Variants in NNT observed in about 807,000 individuals in gnomAD.
NNT encodes NAD(P) transhydrogenase, mitochondrial.
In NNT, 50 loss-of-function variants were observed where a neutral mutation model predicts 104.8. The observed-to-expected ratio is 0.48, with a 90% confidence interval of 0.38 to 0.60. The LOEUF (loss-of-function observed/expected upper bound fraction) is 0.60, where lower values mean the gene tolerates loss of function less well. Among genes scored for constraint, NNT ranks in the 20% least tolerant of loss-of-function variants. The pLI is 0.00. For synonymous variants in NNT, 461 were observed against 490.4 expected (o/e 0.94, Z 0.79); for missense variants, 1,131 against 1,330.7 (o/e 0.85, Z 2.33).
At chr5:43,644,498 T>A in intron 8 of NNT, 113 bp from the exon 9 acceptor site, 1 of 1,132,396 alleles carries the variant, frequency 8.8e-7, no homozygotes, top group Non-Finnish European at 1.2e-6. Flanking sequence ...TGTATGTATA[T>A]TCATAAAGAT....
chr5:43,637,592 C>T (rs1289035635), intron 7 of NNT, among the ~76,000 whole-genome samples: 1 of 152,070 alleles, frequency 6.6e-6, no homozygotes, highest in Admixed American at 6.6e-5. Flanking sequence ...GACTGTGCTC[C>T]TTCATGCTTT....
intron 19 of NNT, among the ~76,000 whole-genome samples, chr5:43,679,555 A>C (rs1478004785): frequency 6.6e-6 from 1 of 152,230 alleles, no homozygotes; most frequent in Non-Finnish European, 1.5e-5. Flanking sequence ...GAAATGTCAA[A>C]GGAAATAAGA....
chr5:43,694,840 T>C (rs1180212493), intron 19 of NNT, among the ~76,000 whole-genome samples: 1 of 151,810 alleles, frequency 6.6e-6, no homozygotes, highest in Non-Finnish European at 1.5e-5. Context: ...GGGAGGAGTC[T>C]ATCCTCCTTG....
chr5:43,622,414 C>CT (rs1481662948), intron 5 of NNT, among the ~76,000 whole-genome samples: 2 of 152,068 alleles, frequency 1.3e-5, no homozygotes, highest in African/African-American at 4.8e-5. Context: ...CATACTATTT[C>CT]TTTTTTTAAA....
At chr5:43,644,570 T>C (rs779100012) in intron 8 of NNT, 41 bp from the exon 9 acceptor site, 2 of 1,506,110 alleles carry the variant, frequency 1.3e-6, no homozygotes, top group Admixed American at 4.0e-5. Flanking sequence ...AATGTGAACA[T>C]AGGGTGATAG....
At chr5:43,664,729 C>A (rs116565385) in intron 17 of NNT, among the ~76,000 whole-genome samples, 3,818 of 150,862 alleles carry the variant, frequency 0.025, 98 homozygotes, top group Non-Finnish European at 0.033. Context: ...TCATTTAAGC[C>A]GGCAAAAAAA....
intron 6 of NNT, among the ~76,000 whole-genome samples, chr5:43,627,924 G>A (rs1561273675): frequency 6.6e-6 from 1 of 152,120 alleles, no homozygotes; most frequent in East Asian, 1.9e-4. Context: ...GAACATAATT[G>A]ATTACTGGAG....
chr5:43,687,287 C>G (rs1375592919), intron 19 of NNT, among the ~76,000 whole-genome samples: 1 of 152,070 alleles, frequency 6.6e-6, no homozygotes, highest in African/African-American at 2.4e-5. Context: ...TCAGGGATAG[C>G]TCATTCTTTT....
chr5:43,631,283 G>T (rs992856091), intron 7 of NNT, among the ~76,000 whole-genome samples: 16 of 152,176 alleles, frequency 1.1e-4, no homozygotes, highest in African/African-American at 3.6e-4. Flanking sequence ...CCGGACCCAG[G>T]ATAGTGTTTG....
At chr5:43,631,703 AG>A (rs1243823287) in intron 7 of NNT, among the ~76,000 whole-genome samples, 1 of 152,202 alleles carries the variant, frequency 6.6e-6, no homozygotes, top group Non-Finnish European at 1.5e-5. Context: ...ACTGACTTTC[AG>A]GGCCTTCCCC....
chr5:43,692,106 C>T (rs570406002), intron 19 of NNT, among the ~76,000 whole-genome samples: 5 of 152,276 alleles, frequency 3.3e-5, no homozygotes, highest in Admixed American at 1.3e-4. Flanking sequence ...GCAAAGTGTA[C>T]AGGTGGTTAA....
At chr5:43,680,589 G>A (rs6893689) in intron 19 of NNT, among the ~76,000 whole-genome samples, 1,755 of 152,226 alleles carry the variant, frequency 0.012, 20 homozygotes, top group African/African-American at 0.04. Context: ...AAGAAAAATC[G>A]CATCTGTCAT....
intron 12 of NNT, among the ~76,000 whole-genome samples, chr5:43,651,328 G>A (rs1377367759): frequency 6.6e-6 from 1 of 152,170 alleles, no homozygotes; most frequent in Non-Finnish European, 1.5e-5. Context: ...TGTGATCCCA[G>A]CACTTTGGGA....
chr5:43,690,043 A>G (rs946280669), intron 19 of NNT, among the ~76,000 whole-genome samples: 2 of 152,200 alleles, frequency 1.3e-5, no homozygotes, highest in Admixed American at 1.3e-4. Context: ...ACTAAGAATA[A>G]TTGGTGTTCC....
chr5:43,655,257 G>T (rs1445247313), intron 14 of NNT, among the ~76,000 whole-genome samples: 1 of 152,192 alleles, frequency 6.6e-6, no homozygotes, highest in Non-Finnish European at 1.5e-5. Flanking sequence ...TTTGTGACGG[G>T]AAGAGGCACG....
chr5:43,685,207 T>C (rs1358239882), intron 19 of NNT, among the ~76,000 whole-genome samples: 1 of 152,206 alleles, frequency 6.6e-6, no homozygotes, highest in African/African-American at 2.4e-5. Context: ...GTTTAACAAA[T>C]GAGCCTTCTT....
chr5:43,614,438 G>C (rs186628031), intron 3 of NNT, among the ~76,000 whole-genome samples: 9 of 152,294 alleles, frequency 5.9e-5, no homozygotes, highest in African/African-American at 2.2e-4. Flanking sequence ...CTGAGCATTT[G>C]ATAGGGGCCA....
intron 17 of NNT, among the ~76,000 whole-genome samples, chr5:43,673,416 A>G (rs944233386): frequency 2.6e-5 from 4 of 152,204 alleles, no homozygotes; most frequent in African/African-American, 9.6e-5. Context: ...CTATTCGGCC[A>G]TCTTGGAACC....
rs35201656 is a variant in NNT at position 43,612,944 on chromosome 5, A to G, written c.188A>G (p.Lys63Arg). 65,216 of 1,613,734 alleles carry G rather than the reference A, an allele frequency of 0.04. 1,757 individuals are homozygous for G. The highest frequency in any genetic ancestry group is 0.12 in the East Asian group (5,391 of 44,868). The change falls in exon 3 of 22, where the codon AAA (lysine) becomes AGA (arginine). Residue 63 changes from lysine to arginine, a missense_variant. Transcript: ENST00000344920. The part of the protein sequence containing the change: ...PYKQLTVGVP[K>R]EIFQNEKRVA... ...AAGCAACTGACTGTTGGAGTCCCCAAAGAGATATTCCAAAATGAGAAGCGA... is the reference window on the plus strand; with the variant it reads ...AAGCAACTGACTGTTGGAGTCCCCAGAGAGATATTCCAAAATGAGAAGCGA...
Sources: gnomAD v4.1 joint callset for allele counts (sites outside exome capture counted in the v4.1 genomes callset) on GRCh38, gnomAD v4.1.1 for gene constraint, MANE v1.5 for transcripts, NCBI Gene and HGNC (gene_info 2026-07-23, HGNC 2026-07-21) for gene names.